The following LRRTM4 variants were observed in gnomAD, a reference collection of about 807,000 sequenced individuals.
The protein encoded by LRRTM4 is leucine rich repeat transmembrane neuronal 4, also known as leucine-rich repeat transmembrane neuronal protein 4.
Under a neutral mutation model 47.6 loss-of-function variants are expected in LRRTM4, and 25 were observed. That is an observed-to-expected ratio of 0.53 (90% CI 0.38 to 0.73). The LOEUF is 0.73. Among genes scored for constraint, LRRTM4 ranks in the 30% least tolerant of loss-of-function variants. The probability of loss-of-function intolerance (pLI) is 0.00; values close to 1 mark genes in which losing one functional copy is unlikely to be tolerated. For missense variants in LRRTM4, 638 were observed against 713.4 expected (o/e 0.89, Z 1.20); for synonymous variants, 311 against 269.5 (o/e 1.15, Z -1.51).
At chr2:76,843,908 C>CTTTTTTTTTTTTT (rs538704879) in intron 3 of LRRTM4, among the ~76,000 whole-genome samples, 1 of 145,374 alleles carries the variant, frequency 6.9e-6, no homozygotes. Flanking sequence ...TTTCTTTTTT[C>CTTTTTTTTTTTTT]ATTTTTTTTT....
chr2:76,858,284 G>C (rs1453678505), intron 3 of LRRTM4, among the ~76,000 whole-genome samples: 2 of 152,152 alleles, frequency 1.3e-5, no homozygotes, highest in East Asian at 1.9e-4. Flanking sequence ...AAACAAAAAG[G>C]CTGACCCTCC....
At chr2:77,055,339 G>A (rs1349094471) in intron 3 of LRRTM4, among the ~76,000 whole-genome samples, 2 of 152,118 alleles carry the variant, frequency 1.3e-5, no homozygotes, top group African/African-American at 4.8e-5. Context: ...CTCTTTCTGG[G>A]CACACGTACA....
intron 3 of LRRTM4, among the ~76,000 whole-genome samples, chr2:76,777,123 T>C (rs1434140401): frequency 6.7e-6 from 1 of 149,626 alleles, no homozygotes; most frequent in African/African-American, 2.5e-5. Flanking sequence ...TCTATATCTC[T>C]GTTTTGGTAC....
At chr2:77,126,669 TA>T (rs1342569210) in intron 3 of LRRTM4, among the ~76,000 whole-genome samples, 2 of 152,170 alleles carry the variant, frequency 1.3e-5, no homozygotes, top group Non-Finnish European at 2.9e-5. Flanking sequence ...GGAAGTGACA[TA>T]GGGGTCTTGT....
At chr2:76,857,575 A>G (rs1423415404) in intron 3 of LRRTM4, among the ~76,000 whole-genome samples, 2 of 151,976 alleles carry the variant, frequency 1.3e-5, no homozygotes, top group South Asian at 2.1e-4. Context: ...TTATAAATGG[A>G]TATTTGGGTT....
chr2:77,485,568 G>A (rs1677877531), intron 3 of LRRTM4, among the ~76,000 whole-genome samples: 1 of 152,106 alleles, frequency 6.6e-6, no homozygotes, highest in Non-Finnish European at 1.5e-5. Context: ...ATTAAAAAGA[G>A]GTTAGGAATT....
rs565931633 is a variant in LRRTM4 at position 76,996,092 on chromosome 2, A to C, written c.1552-247176T>G. 2.0e-5 allele frequency among the ~76,000 whole-genome samples: 3 copies of C among 152,210 alleles called. No individual in the cohort carries two copies. The East Asian group carries it at 5.8e-4, about 29-fold the overall frequency. On this transcript the variant is annotated intron_variant, in intron 3 of 3. Coordinates refer to ENST00000409884, the MANE Select transcript of LRRTM4 (RefSeq NM_001134745.3). Reference sequence around the variant, plus strand: ...GGAAACTATGGAACAAAACATAGGTATATATAAATCAGGAATGAGTTGACA... The same window carrying C: ...GGAAACTATGGAACAAAACATAGGTCTATATAAATCAGGAATGAGTTGACA...
intron 3 of LRRTM4, among the ~76,000 whole-genome samples, chr2:77,367,284 G>GC (rs1305443576): frequency 1.1e-5 from 1 of 87,438 alleles, no homozygotes; most frequent in East Asian, 8.5e-4. Flanking sequence ...GTCATTATTT[G>GC]ATTTTTTTAA....
chr2:77,068,949 T>C (rs1220924333), intron 3 of LRRTM4, among the ~76,000 whole-genome samples: 1 of 151,730 alleles, frequency 6.6e-6, no homozygotes, highest in Non-Finnish European at 1.5e-5. Context: ...GAGCGATCTG[T>C]GCCTTAAGGG....
At chr2:77,251,272 T>C (rs75006703) in intron 3 of LRRTM4, among the ~76,000 whole-genome samples, 80,850 of 144,636 alleles carry the variant, frequency 0.56, 22,693 homozygotes, top group African/African-American at 0.62. Context: ...CACACACACA[T>C]ATATATATGG....
At chr2:76,910,074 T>C (rs960019291) in intron 3 of LRRTM4, among the ~76,000 whole-genome samples, 3 of 152,062 alleles carry the variant, frequency 2.0e-5, no homozygotes, top group African/African-American at 7.2e-5. Context: ...CTATTCACAA[T>C]AGCAAAGACT....
intron 3 of LRRTM4, among the ~76,000 whole-genome samples, chr2:77,495,196 GTTTAAC>G (rs112437559): frequency 0.22 from 33,140 of 151,778 alleles, 3,832 homozygotes; most frequent in Middle Eastern, 0.3. Flanking sequence ...TTAGGTTCAT[GTTTAAC>G]TTTAATCAAC....
chr2:77,311,761 G>A (rs1677463411), intron 3 of LRRTM4, among the ~76,000 whole-genome samples: 1 of 152,092 alleles, frequency 6.6e-6, no homozygotes, highest in Non-Finnish European at 1.5e-5. Context: ...CCAAGACACA[G>A]GTCAGACACA....
chr2:77,041,286 G>C (rs187981355), intron 3 of LRRTM4, among the ~76,000 whole-genome samples: 1 of 151,490 alleles, frequency 6.6e-6, no homozygotes, highest in Admixed American at 6.6e-5. Flanking sequence ...GTATTTTATT[G>C]TGTATATATA....
chr2:77,032,721 G>C (rs1415396649), intron 3 of LRRTM4, among the ~76,000 whole-genome samples: 1 of 152,016 alleles, frequency 6.6e-6, no homozygotes, highest in African/African-American at 2.4e-5. Context: ...GACTGCATTA[G>C]GATCTTCTTT....
At chr2:76,765,428 G>A (rs1330094202) in intron 3 of LRRTM4, among the ~76,000 whole-genome samples, 1 of 152,146 alleles carries the variant, frequency 6.6e-6, no homozygotes, top group Non-Finnish European at 1.5e-5. Context: ...TTGGGGAAGA[G>A]GAGCAGAATA....
chr2:77,518,684 G>C lies in LRRTM4; in HGVS notation c.1185C>G (p.Thr395=), dbSNP rs750117303. The change falls in exon 3 of 4, where the codon ACC becomes ACG. Residue 395 remains threonine (T), a synonymous_variant. Transcript: ENST00000409884. ...GGCTTGGTGTTTCAAAGGTGGATTG[G>C]GTGACGTCAGGTTTGAAGATGGTAG... ...PRPTIFKPDV[T]QSTFETPSPS... 21 of 1,613,272 alleles carry C rather than the reference G, an allele frequency of 1.3e-5. No individual in the cohort carries two copies. The highest frequency in any genetic ancestry group is 8.4e-5 in the Admixed American group (5 of 59,862).
At chr2:77,292,562 T>A (rs1470034079) in intron 3 of LRRTM4, among the ~76,000 whole-genome samples, 1 of 151,522 alleles carries the variant, frequency 6.6e-6, no homozygotes. Context: ...ATGGATGAAA[T>A]TGGAAATCAT....
At chr2:76,843,609 T>A (rs1368811097) in intron 3 of LRRTM4, among the ~76,000 whole-genome samples, 2 of 152,194 alleles carry the variant, frequency 1.3e-5, no homozygotes, top group Non-Finnish European at 2.9e-5. Context: ...ACTATGTTAA[T>A]AAAATTAATT....
Sources: gnomAD v4.1 joint callset for allele counts (sites outside exome capture counted in the v4.1 genomes callset) on GRCh38, gnomAD v4.1.1 for gene constraint, MANE v1.5 for transcripts, NCBI Gene and HGNC (gene_info 2026-07-23, HGNC 2026-07-21) for gene names.